The following GRIK2 variants were observed in gnomAD, a reference collection of about 807,000 sequenced individuals.
GRIK2 encodes glutamate ionotropic receptor kainate type subunit 2.
A neutral mutation model predicts 100.3 loss-of-function variants in GRIK2; 32 were observed. The ratio of observed to expected loss-of-function variants is 0.32; its 90% CI spans 0.24 to 0.43. The LOEUF (loss-of-function observed/expected upper bound fraction) is 0.43, where lower values mean the gene tolerates loss of function less well. GRIK2 is among the 20% of genes least tolerant of loss of function. GRIK2 has a pLI of 1.00. For missense variants in GRIK2, 843 were observed against 1,114.9 expected (o/e 0.76, Z 3.47); for synonymous variants, 417 against 389.4 (o/e 1.07, Z -0.83).
chr6:101,806,642 C>A (rs765826096), intron 9 of GRIK2, among the ~76,000 whole-genome samples: 11 of 131,626 alleles, frequency 8.4e-5, no homozygotes, highest in Non-Finnish European at 1.6e-4. Context: ...TTTTTTTTCT[C>A]ATTTCCTCAA....
At chr6:101,836,113 C>A (rs1055659166) in intron 10 of GRIK2, among the ~76,000 whole-genome samples, 1 of 151,658 alleles carries the variant, frequency 6.6e-6, no homozygotes, top group East Asian at 2.0e-4. Context: ...TCTGCTGTTG[C>A]AGTTGTTCAC....
chr6:101,992,149 A>G (rs1794411368), intron 14 of GRIK2, among the ~76,000 whole-genome samples: 1 of 151,384 alleles, frequency 6.6e-6, no homozygotes, highest in Non-Finnish European at 1.5e-5. Flanking sequence ...ATTAAGAGAG[A>G]ACTATAAAGA....
intron 7 of GRIK2, among the ~76,000 whole-genome samples, chr6:101,693,811 T>C (rs1772280507): frequency 6.6e-6 from 1 of 152,048 alleles, no homozygotes; most frequent in African/African-American, 2.4e-5. Context: ...TATATGATCA[T>C]GTACAGATAT....
At chr6:101,621,821 TCA>T (rs201504197) in intron 2 of GRIK2, 126 bp from the exon 3 acceptor site, 696 of 634,590 alleles carry the variant, frequency 1.1e-3, no homozygotes, top group Non-Finnish European at 4.0e-4. Flanking sequence ...TTTCTCTCTC[TCA>T]CACACACACA....
At chr6:101,724,613 A>G (rs1774731772) in intron 7 of GRIK2, among the ~76,000 whole-genome samples, 1 of 151,962 alleles carries the variant, frequency 6.6e-6, no homozygotes, top group Admixed American at 6.6e-5. Context: ...ACCTATGTAC[A>G]GTCTTTATTC....
At chr6:101,570,295 T>G (rs1460469675) in intron 2 of GRIK2, among the ~76,000 whole-genome samples, 1 of 152,114 alleles carries the variant, frequency 6.6e-6, no homozygotes, top group African/African-American at 2.4e-5. Context: ...ATAATCTATG[T>G]AAATCACTTG....
intron 4 of GRIK2, among the ~76,000 whole-genome samples, chr6:101,659,388 G>C (rs776631219): frequency 2.6e-5 from 4 of 152,162 alleles, no homozygotes; most frequent in Non-Finnish European, 4.4e-5. Flanking sequence ...TTTGGTACCA[G>C]TACCGTGCTC....
At chr6:102,052,084 G>A (rs1439247243) in intron 15 of GRIK2, among the ~76,000 whole-genome samples, 3 of 152,084 alleles carry the variant, frequency 2.0e-5, no homozygotes, top group Non-Finnish European at 2.9e-5. Context: ...AGATTCTTTC[G>A]TTCTTTGGTC....
At chr6:101,520,725 A>G (rs936845080) in intron 2 of GRIK2, among the ~76,000 whole-genome samples, 22 of 152,102 alleles carry the variant, frequency 1.4e-4, no homozygotes, top group African/African-American at 5.1e-4. Context: ...AAGTGATGAC[A>G]TAGATTTAGT....
intron 7 of GRIK2, among the ~76,000 whole-genome samples, chr6:101,769,018 A>G (rs181873229): frequency 4.7e-4 from 71 of 152,310 alleles, no homozygotes; most frequent in Admixed American, 6.5e-4. Context: ...CTAAAATTAT[A>G]GCTGATATGC....
At chr6:101,608,036 A>AT (rs1562257864) in intron 2 of GRIK2, among the ~76,000 whole-genome samples, 1 of 129,824 alleles carries the variant, frequency 7.7e-6, no homozygotes, top group African/African-American at 3.1e-5. Flanking sequence ...TTTTAAAATT[A>AT]TTTAAAAATT....
intron 14 of GRIK2, among the ~76,000 whole-genome samples, chr6:101,994,079 A>G (rs1794527967): frequency 2.0e-5 from 3 of 149,894 alleles, no homozygotes; most frequent in Non-Finnish European, 4.5e-5. Context: ...TACATACATT[A>G]TAAATGAATG....
chr6:101,637,895 T>C (rs1781100519), intron 4 of GRIK2, among the ~76,000 whole-genome samples: 1 of 152,162 alleles, frequency 6.6e-6, no homozygotes, highest in African/African-American at 2.4e-5. Context: ...CTGCCTGATG[T>C]GTCTTTCCCA....
chr6:101,578,445 A>G (rs1002092329), intron 2 of GRIK2, among the ~76,000 whole-genome samples: 1 of 152,176 alleles, frequency 6.6e-6, no homozygotes, highest in Non-Finnish European at 1.5e-5. Context: ...AGAGCACCAC[A>G]AGCCGGAAAG....
chr6:101,649,804 G>A (rs1476734118), intron 4 of GRIK2, among the ~76,000 whole-genome samples: 3 of 152,098 alleles, frequency 2.0e-5, no homozygotes, highest in East Asian at 3.9e-4. Context: ...AAAGCCCAGA[G>A]TATGATTCTG....
chr6:101,630,061 C>A (rs959492354), intron 4 of GRIK2, among the ~76,000 whole-genome samples: 1 of 152,100 alleles, frequency 6.6e-6, no homozygotes, highest in African/African-American at 2.4e-5. Flanking sequence ...TTTTATATGG[C>A]TGCATAGTAT....
chr6:101,477,720 A>G (rs1407238529), intron 2 of GRIK2, among the ~76,000 whole-genome samples: 1 of 151,990 alleles, frequency 6.6e-6, no homozygotes, highest in Admixed American at 6.5e-5. Context: ...CATCTGCCAC[A>G]TAGAAATGCC....
chr6:101,882,143 T>C (rs1017293273), intron 11 of GRIK2, among the ~76,000 whole-genome samples: 1 of 152,052 alleles, frequency 6.6e-6, no homozygotes, highest in Non-Finnish European at 1.5e-5. Flanking sequence ...ACTCCCATGA[T>C]TCAATTATCT....
At chr6:102,027,760 GA>G (rs1769780362) in intron 14 of GRIK2, among the ~76,000 whole-genome samples, 1 of 151,026 alleles carries the variant, frequency 6.6e-6, no homozygotes, top group Non-Finnish European at 1.5e-5. Context: ...ATGAGCATAA[GA>G]TGGTTTCTAA....
Sources: allele counts gnomAD v4.1 joint callset (sites outside exome capture counted in the v4.1 genomes callset), GRCh38; gene constraint gnomAD v4.1.1; transcripts MANE v1.5; gene names NCBI Gene and HGNC (gene_info 2026-07-23, HGNC 2026-07-21).